Variants in PBK observed in about 807,000 individuals in gnomAD.
The protein encoded by PBK is lymphokine-activated killer T-cell-originated protein kinase.
PBK carries 22 observed loss-of-function variants against 33.5 expected under a neutral mutation model. That is an observed-to-expected ratio of 0.66 (90% confidence interval 0.47 to 0.94). The LOEUF (loss-of-function observed/expected upper bound fraction) is 0.94, where lower values mean the gene tolerates loss of function less well. Among genes scored for constraint, PBK ranks in the 40% least tolerant of loss-of-function variants. The probability of loss-of-function intolerance (pLI) is 0.00; values close to 1 mark genes in which losing one functional copy is unlikely to be tolerated. For synonymous variants in PBK, 129 were observed against 123.8 expected (o/e 1.04, Z -0.28); for missense variants, 376 against 383.4 (o/e 0.98, Z 0.16).
At chr8:27,828,441 G>T (rs538298449) in intron 2 of PBK, among the ~76,000 whole-genome samples, 3 of 152,208 alleles carry the variant, frequency 2.0e-5, no homozygotes, top group African/African-American at 7.2e-5. Context: ...TACAAGCTAA[G>T]AACTGTTTTC....
rs1242351807 is a variant in PBK, at chr8:27,823,100, A to G, written c.258T>C (p.Ala86=). ...SVYQKRLMDE[A]KILKSLHHPN... ...GATGATGAAGGCTTTTCAAAATCTT[A>G]GCTTCATCCATTAGTCTCTTTTGAT... The change falls in exon 4 of 8, where the codon GCT becomes GCC. Residue 86 remains alanine (A), a synonymous_variant. Transcript: ENST00000301905. 6.3e-7 allele frequency: 1 copy of G among 1,593,928 alleles called. No individual in the cohort carries two copies. The highest frequency in any genetic ancestry group is 8.6e-7 in the Non-Finnish European group (1 of 1,164,780).
chr8:27,828,218 A>C lies in PBK; in HGVS notation c.59-20T>G. On this transcript the variant is annotated intron_variant, in intron 2 of 7. Coordinates refer to ENST00000301905, the MANE Select transcript of PBK (RefSeq NM_018492.4). ...ATAATACTAAATGTCAGAGAAATAA[A>C]AAATAAAATTAATAAAAAATAAAAA... The C allele has an allele frequency of 8.9e-7, 1 of 1,124,824 alleles. No individual in the cohort carries two copies. Among genetic ancestry groups the C allele is most frequent in the Non-Finnish European group, 1.3e-6 (1 of 763,514 alleles). The allele number at this position is 1,124,824 out of a possible 1,614,324, so 69.7% of individuals were successfully genotyped here.
intron 6 of PBK, among the ~76,000 whole-genome samples, chr8:27,815,980 A>G (rs1223023026): frequency 6.6e-6 from 1 of 152,162 alleles, no homozygotes; most frequent in Non-Finnish European, 1.5e-5. Flanking sequence ...ATTTCCCTTT[A>G]CTACATTCAA....
intron 6 of PBK, among the ~76,000 whole-genome samples, chr8:27,813,353 C>T (rs1046858969): frequency 1.1e-4 from 16 of 152,006 alleles, no homozygotes; most frequent in African/African-American, 3.4e-4. Context: ...AGGAGAAATA[C>T]CTAATGTAAA....
At chr8:27,816,582 T>C (rs549497421) in intron 6 of PBK, among the ~76,000 whole-genome samples, 60 of 151,904 alleles carry the variant, frequency 3.9e-4, no homozygotes, top group Admixed American at 3.9e-3. Flanking sequence ...TTCACTGTGT[T>C]AGCCAGGATG....
intron 6 of PBK, among the ~76,000 whole-genome samples, chr8:27,818,986 C>G (rs1299590338): frequency 6.6e-6 from 1 of 152,146 alleles, no homozygotes; most frequent in Non-Finnish European, 1.5e-5. Flanking sequence ...CTCACTAATA[C>G]AAAAATGTCA....
chr8:27,815,121 G>C (rs891503500), intron 6 of PBK, among the ~76,000 whole-genome samples: 1 of 152,126 alleles, frequency 6.6e-6, no homozygotes, highest in Non-Finnish European at 1.5e-5. Flanking sequence ...AGAACTGAAG[G>C]AAAGTTCTGC....
At chr8:27,824,969 C>T (rs1226642725) in intron 3 of PBK, among the ~76,000 whole-genome samples, 2 of 152,070 alleles carry the variant, frequency 1.3e-5, no homozygotes, top group Admixed American at 6.5e-5. Context: ...TAAACATACA[C>T]ATTGTTTTTA....
chr8:27,811,646 T>A (rs965785815), intron 6 of PBK, among the ~76,000 whole-genome samples: 1 of 152,190 alleles, frequency 6.6e-6, no homozygotes, highest in Non-Finnish European at 1.5e-5. Flanking sequence ...CACATTTCCA[T>A]TTAAACTTGA....
chr8:27,819,602 GTTT>G (rs1184068288), intron 6 of PBK, among the ~76,000 whole-genome samples: 1 of 151,958 alleles, frequency 6.6e-6, no homozygotes, highest in Admixed American at 6.6e-5. Context: ...ATAATTCGAA[GTTT>G]TTTTGTGTGA....
intron 2 of PBK, among the ~76,000 whole-genome samples, chr8:27,828,898 C>A (rs766388643): frequency 6.6e-5 from 10 of 152,130 alleles, no homozygotes; most frequent in Non-Finnish European, 1.2e-4. Flanking sequence ...TTTTCAGACA[C>A]TTGACAACAG....
chr8:27,813,920 CAGTTT>C (rs1805757061), intron 6 of PBK, among the ~76,000 whole-genome samples: 1 of 144,832 alleles, frequency 6.9e-6, no homozygotes, highest in Non-Finnish European at 1.5e-5. Context: ...TTTTTCTTAT[CAGTTT>C]ATTTTTCTGT....
intron 3 of PBK, among the ~76,000 whole-genome samples, chr8:27,827,461 C>T (rs7844484): frequency 0.16 from 23,960 of 152,120 alleles, 2,396 homozygotes; most frequent in East Asian, 0.37. Context: ...GCAGGAGAAG[C>T]GCTTGAACCT....
At position 27,828,864 on chromosome 8, in the gene PBK, A is replaced by G. The variant is rs530853283; in HGVS notation, c.59-666T>C. Among the ~76,000 whole-genome samples the G allele has an allele frequency of 6.6e-5, 10 of 152,260 alleles. No individual in the cohort carries two copies. The South Asian group carries it at 1.7e-3, about 25-fold the overall frequency. On this transcript the variant is annotated intron_variant, in intron 2 of 7. Coordinates refer to ENST00000301905, the MANE Select transcript of PBK (RefSeq NM_018492.4). ...TAGAGTTACCATCTCGCCATTAACT[A>G]GAAAACTAGACAAAATATAATTGTT...
In PBK at chr8:27,835,476, T is replaced by C. The variant is rs192676199; in HGVS notation, c.-21+2176A>G. 3.5e-3 allele frequency among the ~76,000 whole-genome samples: 527 copies of C among 152,268 alleles called. 2 individuals carry two copies. Among genetic ancestry groups the C allele is most frequent in the Non-Finnish European group, 4.8e-3 (327 of 68,014 alleles). ...CTTCGGAAATAATTTCCCCATGTCA[T>C]TCTGACTCCCCTTCTTCCATCTGTG... is the stretch of plus-strand genomic sequence containing the variant. On this transcript the variant is annotated intron_variant, in intron 1 of 7. Transcript: ENST00000301905.
At chr8:27,811,186 C>T in intron 6 of PBK, 52 bp from the exon 7 acceptor site, 2 of 1,544,278 alleles carry the variant, frequency 1.3e-6, no homozygotes, top group South Asian at 1.1e-5. Flanking sequence ...CACGAAAAGG[C>T]AAGCAACCCA....
intron 7 of PBK, 68 bp from the exon 8 acceptor site, chr8:27,810,569 A>C: frequency 2.3e-6 from 2 of 855,862 alleles, no homozygotes; most frequent in Non-Finnish European, 3.7e-6. Context: ...TTAATAGCTC[A>C]CCCTTCTCCT....
At chr8:27,813,997 A>G (rs777640594) in intron 6 of PBK, among the ~76,000 whole-genome samples, 1 of 152,176 alleles carries the variant, frequency 6.6e-6, no homozygotes, top group East Asian at 1.9e-4. Context: ...CATGCAGTGT[A>G]TAATAATCAC....
At chr8:27,821,270 A>AT (rs1805922946) in intron 5 of PBK, among the ~76,000 whole-genome samples, 1 of 149,782 alleles carries the variant, frequency 6.7e-6, no homozygotes, top group Non-Finnish European at 1.5e-5. Flanking sequence ...TAAGTTAACT[A>AT]TTTTTTTCCA....
Sources: gnomAD v4.1 joint callset for allele counts (sites outside exome capture counted in the v4.1 genomes callset) on GRCh38, gnomAD v4.1.1 for gene constraint, MANE v1.5 for transcripts, NCBI Gene and HGNC (gene_info 2026-07-23, HGNC 2026-07-21) for gene names.